PAM: variants seen among roughly 807,000 people sequenced by gnomAD.
PAM encodes the protein peptidylglycine alpha-amidating monooxygenase.
Under a neutral mutation model 122.1 loss-of-function variants are expected in PAM, and 72 were observed. The ratio of observed to expected loss-of-function variants is 0.59; its 90% CI spans 0.49 to 0.72. The LOEUF is 0.72. Among genes scored for constraint, PAM ranks in the 30% least tolerant of loss-of-function variants. The pLI, the probability that PAM is intolerant of heterozygous loss-of-function variation, is 0.00. For synonymous variants in PAM, 389 were observed against 404.4 expected (o/e 0.96, Z 0.46); for missense variants, 1,106 against 1,183.7 (o/e 0.93, Z 0.96).
At chr5:102,774,070 T>C (rs1756500613) in intron 1 of PAM, among the ~76,000 whole-genome samples, 2 of 152,146 alleles carry the variant, frequency 1.3e-5, no homozygotes, top group African/African-American at 4.8e-5. Context: ...GGCTACATAG[T>C]ATTCCATGGT....
chr5:102,804,082 G>A (rs1765595548), intron 1 of PAM, among the ~76,000 whole-genome samples: 2 of 152,144 alleles, frequency 1.3e-5, no homozygotes, highest in South Asian at 4.2e-4. Context: ...GGAAGAAACA[G>A]TAAGAGCACA....
At chr5:102,979,564 T>C (rs1289631563) in intron 15 of PAM, among the ~76,000 whole-genome samples, 1 of 152,158 alleles carries the variant, frequency 6.6e-6, no homozygotes, top group African/African-American at 2.4e-5. Context: ...TAAAATTAAA[T>C]GTGAAGAGCC....
At chr5:102,993,870 C>T (rs915693818) in intron 16 of PAM, among the ~76,000 whole-genome samples, 2 of 152,074 alleles carry the variant, frequency 1.3e-5, no homozygotes, top group Non-Finnish European at 2.9e-5. Flanking sequence ...AGCATTCCTT[C>T]GTCTGACCTA....
chr5:103,021,440 C>T (rs1417704493), intron 23 of PAM, among the ~76,000 whole-genome samples: 1 of 152,144 alleles, frequency 6.6e-6, no homozygotes, highest in South Asian at 2.1e-4. Flanking sequence ...CTGGTGAAAA[C>T]AGCTTAGCCA....
At chr5:102,950,127 G>C (rs894225701) in intron 11 of PAM, 149 bp downstream of exon 11, 2 of 554,826 alleles carry the variant, frequency 3.6e-6, no homozygotes, top group African/African-American at 3.8e-5. Flanking sequence ...CCTCCTTTTT[G>C]CAACTTCCAA....
chr5:102,979,918 AT>A (rs1045394821), intron 15 of PAM, among the ~76,000 whole-genome samples: 36 of 152,094 alleles, frequency 2.4e-4, no homozygotes, highest in African/African-American at 8.4e-4. Context: ...AATATAATTT[AT>A]TTATCATAAA....
chr5:102,951,579 G>C (rs1758906651), intron 12 of PAM, among the ~76,000 whole-genome samples: 1 of 152,032 alleles, frequency 6.6e-6, no homozygotes, highest in Non-Finnish European at 1.5e-5. Context: ...CAGAAAGTAA[G>C]CATCTGAAAA....
intron 21 of PAM, among the ~76,000 whole-genome samples, chr5:103,011,970 G>A (rs1392668029): frequency 6.6e-6 from 1 of 152,156 alleles, no homozygotes; most frequent in Non-Finnish European, 1.5e-5. Context: ...GGTGTTAGAT[G>A]ATATCTTATT....
At chr5:102,914,088 T>C (rs1802387765) in intron 5 of PAM, 67 bp downstream of exon 5, 1 of 810,092 alleles carries the variant, frequency 1.2e-6, no homozygotes, top group Non-Finnish European at 2.2e-6. Flanking sequence ...AAAGTGTATC[T>C]GTGCAAGTAT....
intron 7 of PAM, among the ~76,000 whole-genome samples, chr5:102,931,350 A>G (rs1339539423): frequency 4.6e-5 from 7 of 152,214 alleles, no homozygotes; most frequent in Middle Eastern, 3.2e-3. Context: ...GTACAAAGAT[A>G]AACTGCAAGA....
At chr5:102,937,858 A>G (rs140755100) in intron 7 of PAM, among the ~76,000 whole-genome samples, 5 of 152,348 alleles carry the variant, frequency 3.3e-5, no homozygotes, top group African/African-American at 1.2e-4. Flanking sequence ...CTTTTGAGCC[A>G]TAGTTATGAA....
At chr5:102,894,553 C>G (rs1381471840) in intron 3 of PAM, among the ~76,000 whole-genome samples, 1 of 151,578 alleles carries the variant, frequency 6.6e-6, no homozygotes, top group Non-Finnish European at 1.5e-5. Flanking sequence ...ACACATTGCC[C>G]AATTACTATC....
intron 7 of PAM, among the ~76,000 whole-genome samples, chr5:102,930,385 A>G (rs1561926609): frequency 6.6e-6 from 1 of 152,134 alleles, no homozygotes; most frequent in South Asian, 2.1e-4. Context: ...AAGGCTTTCC[A>G]GAAGTTGGAC....
intron 16 of PAM, among the ~76,000 whole-genome samples, chr5:102,995,573 G>A (rs1395465811): frequency 6.6e-6 from 1 of 152,088 alleles, no homozygotes; most frequent in Non-Finnish European, 1.5e-5. Context: ...TGCCTAAAAA[G>A]TGAGGGCTTT....
At chr5:102,829,956 A>G (rs1774947555) in intron 1 of PAM, among the ~76,000 whole-genome samples, 1 of 152,136 alleles carries the variant, frequency 6.6e-6, no homozygotes, top group African/African-American at 2.4e-5. Context: ...GAAAGAATAC[A>G]TAATTTATTT....
At chr5:102,875,643 G>A (rs1036176247) in intron 3 of PAM, among the ~76,000 whole-genome samples, 2 of 152,090 alleles carry the variant, frequency 1.3e-5, no homozygotes, top group Admixed American at 1.3e-4. Flanking sequence ...TGTTATTCTT[G>A]TCTAAATCTA....
chr5:102,975,015 A>G (rs1194572384), intron 15 of PAM, among the ~76,000 whole-genome samples: 88 of 152,190 alleles, frequency 5.8e-4, no homozygotes, highest in Non-Finnish European at 4.4e-5. Context: ...GTCAATAACT[A>G]TCAGATTTAT....
intron 5 of PAM, among the ~76,000 whole-genome samples, chr5:102,922,816 CAGTGATATACAA>C (rs140897425): frequency 0.015 from 2,292 of 152,208 alleles, 33 homozygotes; most frequent in African/African-American, 0.031. Flanking sequence ...TAGCTAACAG[CAGTGATATACAA>C]AGTTCAACAC....
At chr5:103,001,112 G>A (rs1777253036) in intron 16 of PAM, among the ~76,000 whole-genome samples, 1 of 152,128 alleles carries the variant, frequency 6.6e-6, no homozygotes. Context: ...AATATACTGA[G>A]TCTCAGATGT....
Sources: gnomAD v4.1 joint callset for allele counts (sites outside exome capture counted in the v4.1 genomes callset) on GRCh38, gnomAD v4.1.1 for gene constraint, MANE v1.5 for transcripts, NCBI Gene and HGNC (gene_info 2026-07-23, HGNC 2026-07-21) for gene names.